Variants in PHIP observed in about 807,000 individuals in gnomAD.
PHIP encodes the protein PH-interacting protein.
In PHIP, 54 loss-of-function variants were observed where a neutral mutation model predicts 236.8. The ratio of observed to expected loss-of-function variants is 0.23; its 90% CI spans 0.18 to 0.29. PHIP has a LOEUF of 0.29. PHIP is among the 10% of genes least tolerant of loss of function. The pLI is 1.00. For synonymous variants in PHIP, 756 were observed against 718.9 expected (o/e 1.05, Z -0.83); for missense variants, 1,370 against 2,190.8 (o/e 0.63, Z 7.48).
chr6:79,018,997 A>C (rs907993244), intron 10 of PHIP, 92 bp downstream of exon 10: 5 of 803,426 alleles, frequency 6.2e-6, no homozygotes, highest in Non-Finnish European at 1.1e-5. Flanking sequence ...TTGATAATAC[A>C]ACAGTAAATA....
rs1582337767 is a variant in PHIP, at chr6:79,078,151, C to T, written c.-83G>A. 6 of 1,398,110 alleles carry T rather than the reference C, an allele frequency of 4.3e-6. No homozygotes were observed. Among genetic ancestry groups the T allele is most frequent in the Non-Finnish European group, 6.0e-6 (6 of 1,001,892 alleles). The allele number at this position is 1,398,110 out of a possible 1,614,324, so 86.6% of individuals were successfully genotyped here. Reference sequence around the variant, plus strand: ...GACGGTGCCGCCGCCTGCCCTATAGCTGTCAGTGTGTGTTCACGAGCCGAG... The same window carrying T: ...GACGGTGCCGCCGCCTGCCCTATAGTTGTCAGTGTGTGTTCACGAGCCGAG... On this transcript the variant is annotated 5_prime_UTR_variant, in exon 1 of 40. Transcript: ENST00000275034.
chr6:78,991,964 C>CTT (rs1250908263), intron 19 of PHIP, among the ~76,000 whole-genome samples: 15 of 133,058 alleles, frequency 1.1e-4, no homozygotes, highest in South Asian at 2.4e-4. Context: ...CAAATAGTAA[C>CTT]TTTTTTTTTT....
At chr6:78,980,449 G>A (rs1394569168) in intron 23 of PHIP, among the ~76,000 whole-genome samples, 1 of 151,974 alleles carries the variant, frequency 6.6e-6, no homozygotes, top group East Asian at 1.9e-4. Flanking sequence ...ATTCCCTGAT[G>A]GACTGGATGT....
chr6:79,003,602 T>A (rs543928613), intron 16 of PHIP, 128 bp downstream of exon 16: 2 of 594,812 alleles, frequency 3.4e-6, no homozygotes, highest in Admixed American at 7.8e-5. Context: ...CCAGACTACT[T>A]AACACAAGAT....
chr6:78,982,663 T>C (rs182550903), intron 23 of PHIP, among the ~76,000 whole-genome samples: 22 of 152,248 alleles, frequency 1.4e-4, no homozygotes, highest in African/African-American at 4.3e-4. Flanking sequence ...ATGTTTAGAA[T>C]ATGGCAATTT....
In PHIP at chr6:78,983,001, T is replaced by C; in HGVS notation, c.2654A>G (p.Glu885Gly). 6.2e-7 allele frequency: 1 copy of C among 1,608,036 alleles called. No individual in the cohort carries two copies. The highest frequency in any genetic ancestry group is 8.5e-7 in the Non-Finnish European group (1 of 1,175,692). The change falls in exon 23 of 40, where the codon GAA (glutamate) becomes GGA (glycine). Residue 885 changes from glutamate to glycine, a missense_variant. Transcript: ENST00000275034. ...KKAESSSDEE[E>G]ESEKQKQKQI... ...TTTTTGCTTCTGTTTTTCAGATTCT[T>C]CTTCTTCATCTGAACTGCTTTCTGC...
At chr6:79,066,525 T>C (rs1773629159) in intron 4 of PHIP, among the ~76,000 whole-genome samples, 1 of 151,520 alleles carries the variant, frequency 6.6e-6, no homozygotes, top group Non-Finnish European at 1.5e-5. Context: ...AATATGTGTA[T>C]ATATCAATGT....
rs186380607 is a variant in PHIP, at chr6:78,939,582, T to C, written c.*1111A>G. On this transcript the variant is annotated 3_prime_UTR_variant, in exon 40 of 40. Coordinates refer to ENST00000275034, the MANE Select transcript of PHIP (RefSeq NM_017934.7). ...ATACCTGGGTAATAGTATATAAGTA[T>C]GTGTTTGTATATATATTTAATTATA... 3.9e-5 allele frequency: 6 copies of C among 152,108 alleles called. No individual in the cohort carries two copies. Among genetic ancestry groups the C allele is most frequent in the Admixed American group, 2.6e-4 (4 of 15,278 alleles). The allele number at this position is 152,108 out of a possible 1,614,324, so 9.4% of individuals were successfully genotyped here. A position where few individuals can be genotyped will look rare whatever the true frequency, so the allele number is the denominator to read the frequency against.
chr6:79,077,282 G>A (rs900546121), intron 4 of PHIP, among the ~76,000 whole-genome samples, 166 bp downstream of exon 4: 1 of 151,912 alleles, frequency 6.6e-6, no homozygotes, highest in Non-Finnish European at 1.5e-5. Context: ...AGTACCCCCG[G>A]CCACTGGCCC....
chr6:78,940,704 T>A lies in PHIP; in HGVS notation c.5455A>T (p.Ile1819Phe). The A allele has an allele frequency of 1.2e-6, 2 of 1,610,578 alleles. No individual in the cohort carries two copies. Among genetic ancestry groups the A allele is most frequent in the Non-Finnish European group, 1.7e-6 (2 of 1,177,708 alleles). The stretch of plus-strand genomic sequence containing the variant: ...TATTTTGGTACAAGTTACCAACCAA[T>A]TAAATTAGCTTTTGCTTTTTCAGTC... Reference protein sequence around the residue: ...KLTEKAKANLIGW With the variant: ...KLTEKAKANLFGW The change falls in exon 40 of 40, where the codon ATT (isoleucine) becomes TTT (phenylalanine). Residue 1819 changes from isoleucine to phenylalanine, a missense_variant. Coordinates refer to ENST00000275034, the MANE Select transcript of PHIP (RefSeq NM_017934.7).
chr6:79,015,066 A>T lies in PHIP; in HGVS notation c.1524+16T>A. The stretch of plus-strand genomic sequence containing the variant: ...CAAATCTTTAGTAGGTATAAAATGA[A>T]GAGAATGATAATTACCATATTGAAA... On this transcript the variant is annotated intron_variant, in intron 15 of 39. Transcript: ENST00000275034. 6.2e-7 allele frequency: 1 copy of T among 1,602,972 alleles called. No individual in the cohort carries two copies. The highest frequency in any genetic ancestry group is 8.5e-7 in the Non-Finnish European group (1 of 1,171,006).
chr6:79,047,214 TC>T lies in PHIP; in HGVS notation c.440-4212del, dbSNP rs542106761. Among the ~76,000 whole-genome samples, 3 of 152,262 alleles carry T rather than the reference TC, an allele frequency of 2.0e-5. No individual in the cohort carries two copies. The South Asian group carries it at 6.2e-4, about 32-fold the overall frequency. ...AGTCTACAAAGCCAATTAGTAGAGA[TC>T]AACAAAAGGCCCACAACTTCTTAAA... On this transcript the variant is annotated intron_variant, in intron 6 of 39. Coordinates refer to ENST00000275034, the MANE Select transcript of PHIP (RefSeq NM_017934.7).
chr6:79,056,706 A>G (rs1014064920), intron 6 of PHIP, among the ~76,000 whole-genome samples: 1 of 152,130 alleles, frequency 6.6e-6, no homozygotes, highest in Non-Finnish European at 1.5e-5. Flanking sequence ...ATGTCTCAAC[A>G]GTGCCAAGGT....
intron 7 of PHIP, among the ~76,000 whole-genome samples, chr6:79,029,668 T>A (rs1054098062): frequency 6.6e-6 from 1 of 152,058 alleles, no homozygotes; most frequent in Non-Finnish European, 1.5e-5. Context: ...TAGCTGGGAT[T>A]ACAGATGTGC....
chr6:78,978,419 A>G (rs1322960054), intron 24 of PHIP, among the ~76,000 whole-genome samples, 173 bp downstream of exon 24: 4 of 152,084 alleles, frequency 2.6e-5, no homozygotes, highest in African/African-American at 9.7e-5. Flanking sequence ...AGCTTCAAAG[A>G]AGATTATTAG....
intron 6 of PHIP, among the ~76,000 whole-genome samples, chr6:79,047,297 A>C (rs149941709): frequency 3.7e-4 from 57 of 152,322 alleles, no homozygotes; most frequent in African/African-American, 1.3e-3. Context: ...TTACTTCTTT[A>C]GGTGCTAGGA....
At chr6:78,963,611 C>G (rs757963057) in intron 29 of PHIP, among the ~76,000 whole-genome samples, 86 of 152,212 alleles carry the variant, frequency 5.7e-4, no homozygotes, top group Middle Eastern at 3.4e-3. Context: ...CAAGGTAAAA[C>G]TGAACTAAAG....
intron 24 of PHIP, among the ~76,000 whole-genome samples, chr6:78,972,084 C>G (rs1767619243): frequency 6.6e-6 from 1 of 152,114 alleles, no homozygotes; most frequent in Non-Finnish European, 1.5e-5. Flanking sequence ...AGGGCACAGA[C>G]AAACAAAAAG....
chr6:79,070,274 T>C (rs1196531121), intron 4 of PHIP, among the ~76,000 whole-genome samples: 1 of 152,250 alleles, frequency 6.6e-6, no homozygotes, highest in Non-Finnish European at 1.5e-5. Flanking sequence ...TCTAGGAATC[T>C]GATGAAAAGT....
Sources: allele counts gnomAD v4.1 joint callset (sites outside exome capture counted in the v4.1 genomes callset), GRCh38; gene constraint gnomAD v4.1.1; transcripts MANE v1.5; gene names NCBI Gene and HGNC (gene_info 2026-07-23, HGNC 2026-07-21).